Variants in OTOG observed in about 807,000 individuals in gnomAD.
OTOG encodes otogelin.
Under a neutral mutation model 313.8 loss-of-function variants are expected in OTOG, and 296 were observed. That is an observed-to-expected ratio of 0.94 (90% CI 0.86 to 1.04). The LOEUF (loss-of-function observed/expected upper bound fraction) is 1.04. OTOG is among the 50% of genes least tolerant of loss of function. The pLI is 0.00. For missense variants in OTOG, 3,948 were observed against 3,840.1 expected (o/e 1.03, Z -0.74); for synonymous variants, 1,533 against 1,554.9 (o/e 0.99, Z 0.33).
Position 17,635,706 on chromosome 11 carries a change from A to T in OTOG, c.7790A>T (p.Gln2597Leu). The change falls in exon 47 of 56, where the codon CAG (glutamine) becomes CTG (leucine). Residue 2597 changes from glutamine to leucine, a missense_variant. Transcript: ENST00000399397. Reference protein sequence around the residue: ...NTTELCCPLYQCVCENFRCPQ... With the variant: ...NTTELCCPLYLCVCENFRCPQ... ...ACGGAACTCTGCTGCCCTCTGTACC[A>T]GTGTGGTGAGTCCTGGCTGGGCACA... 6.5e-7 allele frequency: 1 copy of T among 1,550,188 alleles called. No individual in the cohort carries two copies. The highest frequency in any genetic ancestry group is 8.7e-7 in the Non-Finnish European group (1 of 1,146,656).
Position 17,596,191 on chromosome 11 carries a change from C to T in OTOG, c.3525+37C>T, listed in dbSNP as rs117718159. ...CCAGCCTCGGCTCCTCCCGAGTGCC[C>T]CCTCCACTGTCCTGGGATCCCTTCA... On this transcript the variant is annotated intron_variant, in intron 29 of 55. Coordinates refer to ENST00000399397, the MANE Select transcript of OTOG (RefSeq NM_001292063.2). The T allele has an allele frequency of 0.023, 33,184 of 1,416,526 alleles. 461 individuals carry two copies. The highest frequency in any genetic ancestry group is 0.028 in the Non-Finnish European group (29,148 of 1,025,256). 87.7% of individuals were successfully genotyped at this position (1,416,526 alleles called of 1,614,324 possible).
chr11:17,634,385 A>G, intron 44 of OTOG, 104 bp downstream of exon 44: 2 of 1,270,882 alleles, frequency 1.6e-6, no homozygotes, highest in South Asian at 1.4e-5. Context: ...TAGGAAAAGC[A>G]AAGTGTCTTG....
Position 17,561,110 on chromosome 11 carries a change from T to C in OTOG, c.1471T>C (p.Trp491Arg). 6.4e-7 allele frequency: 1 copy of C among 1,550,530 alleles called. No homozygotes were observed. Among genetic ancestry groups the C allele is most frequent in the Non-Finnish European group, 8.7e-7 (1 of 1,146,962 alleles). Reference sequence around the variant, plus strand: ...TTTTAGCACATGCACCTCAGGCAAGTGGGAGTGCAGCACAGCTGTCTGCCC... The same window carrying C: ...TTTTAGCACATGCACCTCAGGCAAGCGGGAGTGCAGCACAGCTGTCTGCCC... ...CNTCTCTSGK[W>R]ECSTAVCPAE... The change falls in exon 14 of 56, where the codon TGG (tryptophan) becomes CGG (arginine). Residue 491 changes from tryptophan (W) to arginine (R), a missense_variant. By Grantham distance (101) the Trp-to-Arg change is moderately radical (BLOSUM62 -3). Transcript: ENST00000399397.
intron 48 of OTOG, 106 bp from the exon 49 acceptor site, chr11:17,639,317 G>C: frequency 1.6e-6 from 2 of 1,222,218 alleles, no homozygotes; most frequent in Non-Finnish European, 2.3e-6. Flanking sequence ...CTGGAGCTGG[G>C]TCTTCAGAAG....
At chr11:17,631,604 T>C in intron 40 of OTOG, 98 bp from the exon 41 acceptor site, 1 of 980,558 alleles carries the variant, frequency 1.0e-6, no homozygotes, top group Non-Finnish European at 1.5e-6. Flanking sequence ...ATGGTATTAT[T>C]GACCTCAAAG....
rs397514608 is a variant in OTOG, at chr11:17,613,696, C to T, written c.6523C>T (p.Arg2175Ter). Residue 2175 changes from arginine (R) to a stop codon, truncating the protein, a stop_gained, in exon 39 of 56, where the codon CGA becomes TGA. Transcript: ENST00000399397. LOFTEE classifies it high-confidence loss of function. ...TCAGGTCACTATTGATCGCTTCAAC[C>T]GAAAGGTGAGTGCATCAAACAGCCA... ...AHQVTIDRFN[R>*]KVTVDLQPVW... The T allele has an allele frequency of 1.9e-5, 30 of 1,550,100 alleles. No homozygotes were observed. The highest frequency in any genetic ancestry group is 1.2e-4 in the Admixed American group (6 of 50,930).
At chr11:17,639,869 G>GA (rs1565130512) in intron 49 of OTOG, among the ~76,000 whole-genome samples, 3 of 130,132 alleles carry the variant, frequency 2.3e-5, no homozygotes, top group African/African-American at 3.5e-5. Flanking sequence ...TAATGCAATG[G>GA]TGATGGTGGT....
Position 17,610,621 on chromosome 11 carries a change from G to A in OTOG, c.5321G>A (p.Ser1774Asn). 3.2e-6 allele frequency: 5 copies of A among 1,550,620 alleles called. No individual in the cohort carries two copies. Among genetic ancestry groups the A allele is most frequent in the Non-Finnish European group, 4.4e-6 (5 of 1,146,970 alleles). ...ALPPETPAAA[S>N]LSTATDGLAA... ...CCCCCAGAGACCCCAGCTGCCGCCA[G>A]CCTGTCAACAGCCACTGATGGGCTG... The change falls in exon 36 of 56, where the codon AGC becomes AAC. Residue 1774 changes from serine (S) to asparagine (N), a missense_variant. Transcript: ENST00000399397.
intron 16 of OTOG, 124 bp from the exon 17 acceptor site, chr11:17,570,089 C>T (rs949446922): frequency 3.2e-5 from 27 of 835,326 alleles, no homozygotes; most frequent in Non-Finnish European, 4.7e-5. Flanking sequence ...CGCAGGCAGG[C>T]AGGCAGGCAG....
chr11:17,599,830 C>T, intron 31 of OTOG, 133 bp downstream of exon 31: 1 of 1,066,952 alleles, frequency 9.4e-7, no homozygotes, highest in Non-Finnish European at 1.4e-6. Flanking sequence ...GGAGGGCCCC[C>T]ATCATGCAGA....
intron 26 of OTOG, 67 bp downstream of exon 26, chr11:17,593,394 G>T: frequency 6.6e-7 from 1 of 1,522,650 alleles, no homozygotes; most frequent in Non-Finnish European, 8.9e-7. Context: ...GGCAGAAGAG[G>T]GCTGAGGACT....
At position 17,559,606 on chromosome 11, in the gene OTOG, G is replaced by A. The variant is rs528799547; in HGVS notation, c.1286G>A (p.Arg429Gln). The stretch of plus-strand genomic sequence containing the variant: ...TGCTGCCCTGCCTCCTGCCATCCCC[G>A]GGCATCCTGTGTGGACAGTGAGATC... ...IACCPASCHP[R>Q]ASCVDSEIAC... Residue 429 changes from arginine (R) to glutamine (Q), a missense_variant, in exon 12 of 56, where the codon CGG (arginine) becomes CAG (glutamine). Coordinates refer to ENST00000399397, the MANE Select transcript of OTOG (RefSeq NM_001292063.2). 7.4e-4 allele frequency: 1,147 copies of A among 1,550,822 alleles called. No homozygotes were observed. The highest frequency in any genetic ancestry group is 1.2e-3 in the African/African-American group (85 of 73,154).
intron 28 of OTOG, among the ~76,000 whole-genome samples, chr11:17,594,441 G>A (rs1853040236): frequency 6.6e-6 from 1 of 152,216 alleles, no homozygotes; most frequent in Admixed American, 6.5e-5. Context: ...TGTCCCAGGA[G>A]AGATGGTCAC....
chr11:17,596,780 C>T, intron 29 of OTOG, 71 bp from the exon 30 acceptor site: 8 of 1,389,010 alleles, frequency 5.8e-6, no homozygotes, highest in Non-Finnish European at 7.9e-6. Context: ...TGCTGGTCGT[C>T]ATCAGCTGAA....
At chr11:17,620,780 G>A (rs1439085851) in intron 39 of OTOG, among the ~76,000 whole-genome samples, 1 of 152,122 alleles carries the variant, frequency 6.6e-6, no homozygotes, top group African/African-American at 2.4e-5. Flanking sequence ...GATCACTTAT[G>A]CTCTCTGCTC....
chr11:17,578,222 T>C lies in OTOG; in HGVS notation c.2606-151T>C, dbSNP rs558853016. 6.5e-5 allele frequency: 90 copies of C among 1,386,562 alleles called. No individual in the cohort carries two copies. The South Asian group carries it at 1.4e-3, about 22-fold the overall frequency. 85.9% of individuals were successfully genotyped at this position (1,386,562 alleles called of 1,614,324 possible). A position where few individuals can be genotyped will look rare whatever the true frequency, so the allele number is the denominator to read the frequency against. On this transcript the variant is annotated intron_variant, in intron 22 of 55. Transcript: ENST00000399397. ...CATCTACCCCTCCCTCTGTGAGGCG[T>C]ATCTGGGAAACCAAGCAATGCCCAG...
chr11:17,588,476 G>C (rs779990196), intron 24 of OTOG, among the ~76,000 whole-genome samples: 1 of 152,168 alleles, frequency 6.6e-6, no homozygotes, highest in Non-Finnish European at 1.5e-5. Context: ...ATTTCCAGCA[G>C]TTATGCATTT....
chr11:17,628,243 G>C (rs1854032216), intron 39 of OTOG, among the ~76,000 whole-genome samples: 2 of 151,938 alleles, frequency 1.3e-5, no homozygotes, highest in Non-Finnish European at 2.9e-5. Flanking sequence ...TATCCTGTAG[G>C]TTTTGGTATG....
At chr11:17,631,597 G>T in intron 40 of OTOG, 105 bp from the exon 41 acceptor site, 1 of 911,610 alleles carries the variant, frequency 1.1e-6, no homozygotes, top group Non-Finnish European at 1.7e-6. Flanking sequence ...GGGGATAATG[G>T]TATTATTGAC....
Sources: gnomAD v4.1 joint callset for allele counts (sites outside exome capture counted in the v4.1 genomes callset) on GRCh38, gnomAD v4.1.1 for gene constraint, MANE v1.5 for transcripts, NCBI Gene and HGNC (gene_info 2026-07-23, HGNC 2026-07-21) for gene names.